NFE2L1: variants seen among roughly 807,000 people sequenced by gnomAD.
NFE2L1 encodes the protein NFE2 like bZIP transcription factor 1, also known as endoplasmic reticulum membrane sensor NFE2L1.
NFE2L1 carries 18 observed loss-of-function variants against 61.6 expected under a neutral mutation model. The observed-to-expected ratio is 0.29, with a 90% confidence interval of 0.20 to 0.43. NFE2L1 has a LOEUF of 0.43. Among genes scored for constraint, NFE2L1 ranks in the 20% least tolerant of loss-of-function variants. The pLI is 1.00. For missense variants in NFE2L1, 827 were observed against 973.5 expected (o/e 0.85, Z 2.00); for synonymous variants, 419 against 402.7 (o/e 1.04, Z -0.48).
chr17:48,061,118 G>C lies in NFE2L1; in HGVS notation c.*1477G>C, dbSNP rs569846531. 2.0e-5 allele frequency: 3 copies of C among 152,674 alleles called. No homozygotes were observed. Among genetic ancestry groups the C allele is most frequent in the East Asian group, 3.9e-4 (2 of 5,192 alleles). The allele number at this position is 152,674 out of a possible 1,614,324, so 9.5% of individuals were successfully genotyped here. A position where few individuals can be genotyped will look rare whatever the true frequency, so the allele number is the denominator to read the frequency against. ...TCTCCACAGCCCCAGCTTCGCACAGGCTCCTGGAGGGCTGCCTGGGGGAGG... is the reference window on the plus strand; with the variant it reads ...TCTCCACAGCCCCAGCTTCGCACAGCCTCCTGGAGGGCTGCCTGGGGGAGG... On this transcript the variant is annotated 3_prime_UTR_variant, in exon 6 of 6. Coordinates refer to ENST00000362042, the MANE Select transcript of NFE2L1 (RefSeq NM_003204.3).
At position 48,058,995 on chromosome 17, in the gene NFE2L1, A is replaced by T. The variant is rs1287179844; in HGVS notation, c.1673A>T (p.Asp558Val). Residue 558 changes from aspartate to valine, a missense_variant, in exon 6 of 6, where the codon GAT becomes GTT. Coordinates refer to ENST00000362042, the MANE Select transcript of NFE2L1 (RefSeq NM_003204.3). ...YSKFCRMSYQ[D>V]PAQLSCLPYL... Reference sequence around the variant, plus strand: ...AAGTTCTGCCGCATGAGCTACCAGGATCCAGCTCAGCTCTCATGCCTGCCC... The same window carrying T: ...AAGTTCTGCCGCATGAGCTACCAGGTTCCAGCTCAGCTCTCATGCCTGCCC... 1 of 1,614,060 alleles carries T rather than the reference A, an allele frequency of 6.2e-7. No individual in the cohort carries two copies. The highest frequency in any genetic ancestry group is 8.5e-7 in the Non-Finnish European group (1 of 1,180,010).
intron 2 of NFE2L1, chr17:48,054,818 G>A: frequency 2.3e-6 from 3 of 1,326,398 alleles, no homozygotes; most frequent in Non-Finnish European, 2.9e-6. Context: ...TGTGAGGTGG[G>A]AGGGGGCTGC....
Position 48,058,299 on chromosome 17 carries a change from T to G in NFE2L1, c.977T>G (p.Met326Arg). 6.4e-7 allele frequency: 1 copy of G among 1,573,696 alleles called. No individual in the cohort carries two copies. Among genetic ancestry groups the G allele is most frequent in the South Asian group, 1.2e-5 (1 of 85,656 alleles). The change falls in exon 6 of 6, where the codon ATG (methionine) becomes AGG (arginine). Residue 326 changes from methionine to arginine, a missense_variant. This residue lies in a region of NFE2L1 where 667 missense variants were observed against 748.4 expected (regional missense o/e 0.89). Coordinates refer to ENST00000362042, the MANE Select transcript of NFE2L1 (RefSeq NM_003204.3). ...DLMSIMEMQA[M>R]EVNTSASEIL... ...GGTGCTCTTCTCCCCTCCCAGGCCATGGAAGTGAACACATCAGCAAGTGAA... is the reference window on the plus strand; with the variant it reads ...GGTGCTCTTCTCCCCTCCCAGGCCAGGGAAGTGAACACATCAGCAAGTGAA...
rs532386184 is a variant in NFE2L1, at chr17:48,059,593, C to T, written c.2271C>T (p.Asp757=). 6.3e-7 allele frequency: 1 copy of T among 1,586,290 alleles called. No individual in the cohort carries two copies. Among genetic ancestry groups the T allele is most frequent in the East Asian group, 2.3e-5 (1 of 44,382 alleles). ...SVLLIPRTMA[D]QQARRQERKP... is the part of the protein sequence containing the mutation. The stretch of plus-strand genomic sequence containing the variant: ...TCCTCATCCCCCGCACGATGGCCGA[C>T]CAGCAGGCCCGGCGGCAGGAGAGGA... Residue 757 remains aspartate, a synonymous_variant, in exon 6 of 6, where the codon GAC becomes GAT. Transcript: ENST00000362042. This position sits in a 1 kb window ranked among gnomAD's most constrained non-coding sequence, Gnocchi z 6.1.
rs769713012 is a variant in NFE2L1 at position 48,058,422 on chromosome 17, C to G, written c.1100C>G (p.Ser367Cys). The G allele has an allele frequency of 6.2e-7, 1 of 1,614,240 alleles. No homozygotes were observed. ...CAGAATGTCAGCCTGCATCAGGCGT[C>G]CCTGGGGGGCTGCAGCCAGGACTTC... ...INQNVSLHQA[S>C]LGGCSQDFLL... The change falls in exon 6 of 6, where the codon TCC (serine) becomes TGC (cysteine). Residue 367 changes from serine (S) to cysteine (C), a missense_variant. Physicochemically the swap from Ser to Cys is moderately radical, Grantham distance 112. Transcript: ENST00000362042.
chr17:48,059,272 C>T lies in NFE2L1; in HGVS notation c.1950C>T (p.Ala650=), dbSNP rs2037486249. 8 of 1,614,172 alleles carry T rather than the reference C, an allele frequency of 5.0e-6. No individual in the cohort carries two copies. Among genetic ancestry groups the T allele is most frequent in the Non-Finnish European group, 6.8e-6 (8 of 1,180,044 alleles). The change falls in exon 6 of 6, where the codon GCC becomes GCT. Residue 650 remains alanine, a synonymous_variant. Coordinates refer to ENST00000362042, the MANE Select transcript of NFE2L1 (RefSeq NM_003204.3). The surrounding 1 kb of genome is among the most constrained non-coding windows in gnomAD (Gnocchi z 6.1). ...ELLSKYQLSE[A]QLSLIRDIRR... ...TGTCCAAATACCAGTTGAGTGAAGC[C>T]CAGCTGAGCCTCATCCGAGACATCC...
Position 48,059,270 on chromosome 17 carries a change from G to A in NFE2L1, c.1948G>A (p.Ala650Thr), listed in dbSNP as rs761675692. The A allele has an allele frequency of 4.3e-6, 7 of 1,614,090 alleles. No individual in the cohort carries two copies. The African/African-American group carries it at 8.0e-5, about 18-fold the overall frequency. Residue 650 changes from alanine (A) to threonine (T), a missense_variant, in exon 6 of 6, where the codon GCC becomes ACC. Physicochemically the swap from Ala to Thr is moderately conservative, Grantham distance 58 (BLOSUM62 0). Coordinates refer to ENST00000362042, the MANE Select transcript of NFE2L1 (RefSeq NM_003204.3). This position sits in a 1 kb window ranked among gnomAD's most constrained non-coding sequence, Gnocchi z 6.1. ...GCTGTCCAAATACCAGTTGAGTGAAGCCCAGCTGAGCCTCATCCGAGACAT... is the reference window on the plus strand; with the variant it reads ...GCTGTCCAAATACCAGTTGAGTGAAACCCAGCTGAGCCTCATCCGAGACAT... ...ELLSKYQLSEAQLSLIRDIRR... is the reference protein window; with the variant it reads ...ELLSKYQLSETQLSLIRDIRR...
chr17:48,060,036 A>ACCCCCCCCC lies in NFE2L1; in HGVS notation c.*400_*408dup, dbSNP rs61059322. The ACCCCCCCCC allele has an allele frequency of 4.9e-5, 2 of 40,858 alleles. No homozygotes were observed. The highest frequency in any genetic ancestry group is 8.4e-5 in the Non-Finnish European group (2 of 23,926). The allele number at this position is 40,858 out of a possible 1,614,324, so 2.5% of individuals were successfully genotyped here. A position where few individuals can be genotyped will look rare whatever the true frequency, so the allele number is the denominator to read the frequency against. ...AGGGATAGAAGGAAGGAAGGAAGGA[A>ACCCCCCCCC]CCCCCCCCCCCCCGAAAAAAAAATC... On this transcript the variant is annotated 3_prime_UTR_variant, in exon 6 of 6. Coordinates refer to ENST00000362042, the MANE Select transcript of NFE2L1 (RefSeq NM_003204.3).
At chr17:48,054,678 A>C in intron 2 of NFE2L1, 5 of 1,268,010 alleles carry the variant, frequency 3.9e-6, no homozygotes, top group Non-Finnish European at 5.0e-6. Context: ...GAGCGGGAGG[A>C]TAGGCCCAGG....
chr17:48,051,459 C>T lies in NFE2L1; in HGVS notation c.341C>T (p.Ser114Phe), dbSNP rs2037248599. ...LVHRDPEGSV[S>F]GSQPNSGLAL... Reference sequence around the variant, plus strand: ...CACCGAGACCCAGAGGGGTCTGTCTCTGGCAGTCAGCCCAACTCAGGCCTC... The same window carrying T: ...CACCGAGACCCAGAGGGGTCTGTCTTTGGCAGTCAGCCCAACTCAGGCCTC... Residue 114 changes from serine to phenylalanine, a missense_variant, in exon 2 of 6, where the codon TCT (serine) becomes TTT (phenylalanine). Coordinates refer to ENST00000362042, the MANE Select transcript of NFE2L1 (RefSeq NM_003204.3). 2 of 1,613,606 alleles carry T rather than the reference C, an allele frequency of 1.2e-6. No individual in the cohort carries two copies. The highest frequency in any genetic ancestry group is 1.3e-5 in the African/African-American group (1 of 74,768).
intron 2 of NFE2L1, among the ~76,000 whole-genome samples, chr17:48,052,715 G>A (rs1480302916): frequency 6.6e-6 from 1 of 152,162 alleles, no homozygotes; most frequent in Non-Finnish European, 1.5e-5. Flanking sequence ...GAGGGTGCAG[G>A]TGGCAATATC....
Position 48,058,702 on chromosome 17 carries a change from C to G in NFE2L1, c.1380C>G (p.Gly460=). The G allele has an allele frequency of 6.2e-7, 1 of 1,614,206 alleles. No homozygotes were observed. Among genetic ancestry groups the G allele is most frequent in the South Asian group, 1.1e-5 (1 of 91,084 alleles). The change falls in exon 6 of 6, where the codon GGC becomes GGG. Residue 460 remains glycine, a synonymous_variant. Transcript: ENST00000362042. The part of the protein sequence containing the change: ...ISLMDLAIEE[G]FNPVQASQLE... ...TTATGGACCTGGCCATTGAAGAAGG[C>G]TTTAACCCTGTGCAGGCCTCCCAGC...
chr17:48,057,431 C>T lies in NFE2L1; in HGVS notation c.901C>T (p.Leu301=). Residue 301 remains leucine, a synonymous_variant, in exon 5 of 6, where the codon CTG becomes TTG. Coordinates refer to ENST00000362042, the MANE Select transcript of NFE2L1 (RefSeq NM_003204.3). The part of the protein sequence containing the change: ...ALQNNLLSPL[L]TGTESPFDLE... ...TCAAAACAACCTCTTGTCTCCTCTT[C>T]TGACCGGGACAGAGTCACCATTTGA... The T allele has an allele frequency of 1.1e-5, 18 of 1,614,240 alleles. No homozygotes were observed. The highest frequency in any genetic ancestry group is 1.5e-5 in the Non-Finnish European group (18 of 1,180,042).
rs746894714 is a variant in NFE2L1 at position 48,059,517 on chromosome 17, C to G, written c.2195C>G (p.Pro732Arg). Reference sequence around the variant, plus strand: ...CGGCTGCGAGATGAGAACGGACGACCCTACTCGCCCAGTCAGTATGCGCTC... The same window carrying G: ...CGGCTGCGAGATGAGAACGGACGACGCTACTCGCCCAGTCAGTATGCGCTC... ...FGRLRDENGR[P>R]YSPSQYALQY... Residue 732 changes from proline (P) to arginine (R), a missense_variant, in exon 6 of 6, where the codon CCC (proline) becomes CGC (arginine). Around this residue, in one of 3 missense-constraint regions of NFE2L1, gnomAD observed 86 missense variants for 97.3 expected, o/e 0.88. Transcript: ENST00000362042. The surrounding 1 kb of genome is among the most constrained non-coding windows in gnomAD (Gnocchi z 6.1). 1.2e-6 allele frequency: 2 copies of G among 1,613,958 alleles called. No individual in the cohort carries two copies. Among genetic ancestry groups the G allele is most frequent in the Non-Finnish European group, 8.5e-7 (1 of 1,179,908 alleles).
chr17:48,056,616 C>G lies in NFE2L1; in HGVS notation c.723+18C>G. ...CTGCACAGGTACCATCGCCCCTGCTCACTGGGCTCTCTTCTTGTCCCTACT... is the reference window on the plus strand; with the variant it reads ...CTGCACAGGTACCATCGCCCCTGCTGACTGGGCTCTCTTCTTGTCCCTACT... On this transcript the variant is annotated intron_variant, in intron 3 of 5. Coordinates refer to ENST00000362042, the MANE Select transcript of NFE2L1 (RefSeq NM_003204.3). 6.2e-7 allele frequency: 1 copy of G among 1,610,492 alleles called. No homozygotes were observed. Among genetic ancestry groups the G allele is most frequent in the Non-Finnish European group, 8.5e-7 (1 of 1,178,558 alleles).
At chr17:48,055,572 G>A (rs952721949) in intron 2 of NFE2L1, among the ~76,000 whole-genome samples, 18 of 136,724 alleles carry the variant, frequency 1.3e-4, no homozygotes, top group Non-Finnish European at 2.5e-4. Flanking sequence ...GTGAGTCCTG[G>A]GGTATGGTGA....
At chr17:48,057,233 G>T (rs777620168) in intron 4 of NFE2L1, 111 bp from the exon 5 acceptor site, 1 of 1,588,346 alleles carries the variant, frequency 6.3e-7, no homozygotes, top group Admixed American at 1.8e-5. Flanking sequence ...CTGGCTGCTG[G>T]GGGTAAATGC....
chr17:48,054,988 A>G (rs2037357887), intron 2 of NFE2L1: 2 of 1,496,138 alleles, frequency 1.3e-6, no homozygotes, highest in Admixed American at 2.1e-5. Flanking sequence ...GCTTCCCGGC[A>G]CCGGCTGCCC....
Position 48,048,361 on chromosome 17 carries a change from G to A in NFE2L1, c.-614G>A, listed in dbSNP as rs2037144187. ...GTAGCAGGAGGGGGCGGGGAGGTAA[G>A]CGGAGGCTCCGAGCTCTAGGCCGGC... On this transcript the variant is annotated 5_prime_UTR_variant, in exon 1 of 6. Coordinates refer to ENST00000362042, the MANE Select transcript of NFE2L1 (RefSeq NM_003204.3). 1 of 152,704 alleles carries A rather than the reference G, an allele frequency of 6.5e-6. No individual in the cohort carries two copies. The allele number at this position is 152,704 out of a possible 1,614,324, so 9.5% of individuals were successfully genotyped here.
Sources: allele counts gnomAD v4.1 joint callset (sites outside exome capture counted in the v4.1 genomes callset), GRCh38; gene constraint gnomAD v4.1.1; regional missense constraint gnomAD v4.1.1; non-coding constraint Gnocchi (gnomAD v3.1); transcripts MANE v1.5; gene names NCBI Gene and HGNC (gene_info 2026-07-23, HGNC 2026-07-21).